Variants in NCAM2 observed in about 807,000 individuals in gnomAD.
NCAM2 encodes the protein neural cell adhesion molecule 2.
NCAM2 carries 30 observed loss-of-function variants against 98.1 expected under a neutral mutation model. The observed-to-expected ratio is 0.31, with a 90% confidence interval of 0.23 to 0.41. The LOEUF is 0.41. Ranked by LOEUF, NCAM2 falls within the 10% of genes least tolerant of loss-of-function variation. NCAM2 has a pLI of 1.00. For missense variants in NCAM2, 867 were observed against 1,005.8 expected, an observed-to-expected ratio of 0.86 and a Z score of 1.87; for synonymous variants, 368 against 342.4, an observed-to-expected ratio of 1.07 and a Z score of -0.83.
At chr21:21,451,332 C>A (rs749527485) in intron 12 of NCAM2, among the ~76,000 whole-genome samples, 1 of 152,074 alleles carries the variant, frequency 6.6e-6, no homozygotes, top group Non-Finnish European at 1.5e-5. Flanking sequence ...GCACATTGAT[C>A]GTTTTATTCT....
chr21:21,468,818 T>A (rs921193787), intron 14 of NCAM2, 35 bp downstream of exon 14: 1 of 1,567,638 alleles, frequency 6.4e-7, no homozygotes, highest in Admixed American at 1.8e-5. Context: ...TCATGCTAGG[T>A]TTTTTCAAAT....
intron 16 of NCAM2, among the ~76,000 whole-genome samples, chr21:21,513,040 G>T (rs902525414): frequency 2.0e-5 from 3 of 151,906 alleles, no homozygotes; most frequent in African/African-American, 7.2e-5. Context: ...AGGATTATTT[G>T]ACTCCTTCCT....
chr21:21,022,933 C>T (rs2064466612), intron 1 of NCAM2, among the ~76,000 whole-genome samples: 1 of 151,924 alleles, frequency 6.6e-6, no homozygotes, highest in Admixed American at 6.6e-5. Flanking sequence ...AGAAGTCAAC[C>T]ATTGTAAACA....
chr21:21,463,458 G>T (rs938069864), intron 12 of NCAM2, among the ~76,000 whole-genome samples: 2 of 151,998 alleles, frequency 1.3e-5, no homozygotes, highest in Admixed American at 6.6e-5. Flanking sequence ...TACATCAGTA[G>T]GTTTATTTTA....
chr21:21,430,909 G>A (rs1050375513), intron 11 of NCAM2, among the ~76,000 whole-genome samples: 2 of 151,786 alleles, frequency 1.3e-5, no homozygotes, highest in Admixed American at 1.3e-4. Context: ...AGCTGGGCGT[G>A]GTGGTGCGCA....
chr21:21,077,094 C>T (rs977611322), intron 1 of NCAM2, among the ~76,000 whole-genome samples: 6 of 152,178 alleles, frequency 3.9e-5, no homozygotes, highest in African/African-American at 1.4e-4. Context: ...GAGCAAGTTA[C>T]TCAGCTTCTC....
chr21:21,003,510 G>T (rs1001651753), intron 1 of NCAM2, among the ~76,000 whole-genome samples: 7 of 152,070 alleles, frequency 4.6e-5, no homozygotes, highest in African/African-American at 9.7e-5. Flanking sequence ...TATAAAATCT[G>T]GCCAGTTGAC....
rs576461238 is a variant in NCAM2, at chr21:21,482,815, T to C, written c.2077+5344T>C. ...AAAGATGTACTTATTTTGAAAGATA[T>C]GTATTTTGATTTATTTAAAATGGAG... On this transcript the variant is annotated intron_variant, in intron 15 of 17. Coordinates refer to ENST00000400546, the MANE Select transcript of NCAM2 (RefSeq NM_004540.5). Among the ~76,000 whole-genome samples, 13 of 152,040 alleles carry C rather than the reference T, an allele frequency of 8.6e-5. No individual in the cohort carries two copies. In the East Asian group the frequency reaches 2.3e-3, roughly 27 times the overall value.
chr21:21,320,347 G>A (rs757610763), intron 5 of NCAM2, among the ~76,000 whole-genome samples: 19 of 151,628 alleles, frequency 1.3e-4, no homozygotes, highest in Non-Finnish European at 2.7e-4. Flanking sequence ...TTTTCCAAAC[G>A]AAATTATAAA....
chr21:21,411,149 C>CACATATATATGTGT (rs1569033847), intron 10 of NCAM2, among the ~76,000 whole-genome samples: 30 of 71,320 alleles, frequency 4.2e-4, no homozygotes, highest in South Asian at 8.8e-4. Context: ...TATATATATA[C>CACATATATATGTGT]ATATATATAT....
At chr21:21,375,532 A>G (rs1476359227) in intron 9 of NCAM2, among the ~76,000 whole-genome samples, 2 of 151,726 alleles carry the variant, frequency 1.3e-5, no homozygotes, top group Non-Finnish European at 3.0e-5. Flanking sequence ...AAGTGATGCC[A>G]ATAACTTACT....
intron 9 of NCAM2, among the ~76,000 whole-genome samples, chr21:21,390,594 A>G (rs1005453695): frequency 2.0e-5 from 3 of 152,208 alleles, no homozygotes; most frequent in East Asian, 1.9e-4. Flanking sequence ...ATTAGTGAAC[A>G]TCGTTTTAAA....
chr21:21,181,508 TTAAAA>T (rs1389318947), intron 1 of NCAM2, among the ~76,000 whole-genome samples: 1 of 152,150 alleles, frequency 6.6e-6, no homozygotes, highest in African/African-American at 2.4e-5. Context: ...TTGTCAAAAA[TTAAAA>T]TAAAGTCTTA....
chr21:21,478,488 A>G (rs1985447365), intron 15 of NCAM2, among the ~76,000 whole-genome samples: 1 of 151,988 alleles, frequency 6.6e-6, no homozygotes, highest in Non-Finnish European at 1.5e-5. Context: ...TGTTAATTTC[A>G]CATATTATGA....
chr21:21,407,370 T>C (rs2076762510), intron 9 of NCAM2, among the ~76,000 whole-genome samples: 1 of 152,248 alleles, frequency 6.6e-6, no homozygotes, highest in Non-Finnish European at 1.5e-5. Context: ...ATAGCATGTA[T>C]TGCCTGTAGC....
intron 12 of NCAM2, among the ~76,000 whole-genome samples, chr21:21,452,785 T>C (rs1981404142): frequency 1.2e-5 from 1 of 80,560 alleles, no homozygotes; most frequent in Non-Finnish European, 2.3e-5. Flanking sequence ...ATAGTATTAC[T>C]TTATATATAA....
At chr21:21,324,158 C>T (rs535971252) in intron 5 of NCAM2, among the ~76,000 whole-genome samples, 8 of 151,988 alleles carry the variant, frequency 5.3e-5, no homozygotes, top group Admixed American at 1.3e-4. Flanking sequence ...CAAACCTGTA[C>T]GTTGTGCACA....
chr21:21,279,454 T>A (rs1018520633), intron 1 of NCAM2, among the ~76,000 whole-genome samples: 7 of 151,950 alleles, frequency 4.6e-5, no homozygotes, highest in African/African-American at 1.7e-4. Context: ...CGCCTTCCAG[T>A]TTCAAGCAAT....
intron 1 of NCAM2, among the ~76,000 whole-genome samples, chr21:21,217,089 GAGGGTGCC>G (rs1273147119): frequency 1.3e-5 from 2 of 152,190 alleles, no homozygotes; most frequent in Non-Finnish European, 2.9e-5. Flanking sequence ...GATAAATGCT[GAGGGTGCC>G]AGGGAGTTTT....
Sources: allele counts gnomAD v4.1 joint callset (sites outside exome capture counted in the v4.1 genomes callset), GRCh38; gene constraint gnomAD v4.1.1; transcripts MANE v1.5; gene names NCBI Gene and HGNC (gene_info 2026-07-23, HGNC 2026-07-21).